The following SLIT3 variants were observed in gnomAD, a reference collection of about 807,000 sequenced individuals.
The protein encoded by SLIT3 is slit guidance ligand 3.
Under a neutral mutation model 184.0 loss-of-function variants are expected in SLIT3, and 68 were observed. The ratio of observed to expected loss-of-function variants is 0.37; its 90% CI spans 0.30 to 0.45. The LOEUF (loss-of-function observed/expected upper bound fraction) is 0.45, where lower values mean the gene tolerates loss of function less well. Among genes scored for constraint, SLIT3 ranks in the 20% least tolerant of loss-of-function variants. The pLI, the probability that SLIT3 is intolerant of heterozygous loss-of-function variation, is 1.00. For synonymous variants in SLIT3, 831 were observed against 828.6 expected, an observed-to-expected ratio of 1.00 and a Z score of -0.05; for missense variants, 1,707 against 2,026.0, an observed-to-expected ratio of 0.84 and a Z score of 3.02.
intron 4 of SLIT3, among the ~76,000 whole-genome samples, chr5:169,145,999 C>T (rs146530569): frequency 6.6e-6 from 1 of 152,192 alleles, no homozygotes; most frequent in East Asian, 1.9e-4. Flanking sequence ...TGCAGTGAGC[C>T]GAGATCGCAC....
chr5:169,263,385 G>A (rs544379664), intron 1 of SLIT3, among the ~76,000 whole-genome samples: 21 of 151,992 alleles, frequency 1.4e-4, no homozygotes, highest in African/African-American at 2.4e-4. Context: ...GTATAGTGCC[G>A]TGTGACAACA....
chr5:169,205,379 T>G (rs1298757035), intron 3 of SLIT3, among the ~76,000 whole-genome samples: 1 of 152,158 alleles, frequency 6.6e-6, no homozygotes, highest in Non-Finnish European at 1.5e-5. Context: ...GGAGAGAATA[T>G]TTGAATTTTA....
At chr5:168,877,651 C>T (rs747438136) in intron 5 of SLIT3, among the ~76,000 whole-genome samples, 5 of 152,166 alleles carry the variant, frequency 3.3e-5, no homozygotes, top group Non-Finnish European at 5.9e-5. Context: ...AGGGCAGACA[C>T]GGGCGGTGCG....
rs60722926 is a variant in SLIT3, at chr5:169,101,613, T to A, written c.413+91866A>T. Among the ~76,000 whole-genome samples the A allele has an allele frequency of 6.9e-3, 1,045 of 152,300 alleles. 13 individuals carry two copies. Among genetic ancestry groups the A allele is most frequent in the Middle Eastern group, 0.041 (12 of 294 alleles). On this transcript the variant is annotated intron_variant, in intron 4 of 35. Transcript: ENST00000519560. ...CAAAGCTGGAAAGAACTTCCACAAA[T>A]GGAAATATACTGAGCATTTCATTGC...
intron 1 of SLIT3, among the ~76,000 whole-genome samples, chr5:169,283,677 A>G (rs117512069): frequency 0.015 from 2,350 of 152,360 alleles, 35 homozygotes; most frequent in East Asian, 0.068. Context: ...TCACAGCCAC[A>G]TGATGATCCC....
chr5:169,004,261 C>T (rs867677471), intron 4 of SLIT3, among the ~76,000 whole-genome samples: 19 of 152,234 alleles, frequency 1.2e-4, no homozygotes, highest in African/African-American at 4.1e-4. Flanking sequence ...ATGGCTCCTT[C>T]GGGAGTCCCT....
intron 4 of SLIT3, among the ~76,000 whole-genome samples, chr5:168,900,324 G>T (rs895702062): frequency 6.6e-6 from 1 of 152,108 alleles, no homozygotes; most frequent in East Asian, 1.9e-4. Flanking sequence ...TATATAAAAA[G>T]ATACTTATGG....
At chr5:168,806,631 A>C in intron 8 of SLIT3, 44 bp from the exon 9 acceptor site, 1 of 1,610,108 alleles carries the variant, frequency 6.2e-7, no homozygotes. Flanking sequence ...CAGTGTCAGG[A>C]GCTGCCTGGG....
chr5:168,815,260 A>G (rs1757301332), intron 8 of SLIT3, among the ~76,000 whole-genome samples: 1 of 152,104 alleles, frequency 6.6e-6, no homozygotes, highest in Admixed American at 6.5e-5. Context: ...GATTTAATGG[A>G]CTTTGGAGGG....
intron 5 of SLIT3, among the ~76,000 whole-genome samples, chr5:168,876,219 C>T (rs1436226501): frequency 6.6e-6 from 1 of 152,154 alleles, no homozygotes; most frequent in South Asian, 2.1e-4. Flanking sequence ...ACTTTACTTG[C>T]TCGATTTAGG....
At chr5:169,095,906 A>G (rs556930993) in intron 4 of SLIT3, among the ~76,000 whole-genome samples, 15 of 152,334 alleles carry the variant, frequency 9.8e-5, no homozygotes, top group African/African-American at 3.6e-4. Flanking sequence ...TTAATTACAT[A>G]AGTACATGAA....
intron 4 of SLIT3, among the ~76,000 whole-genome samples, chr5:169,105,770 TG>T (rs1283790450): frequency 2.0e-5 from 3 of 152,232 alleles, no homozygotes; most frequent in African/African-American, 7.2e-5. Flanking sequence ...TCCATGTTCC[TG>T]CAAAGGACAT....
intron 9 of SLIT3, among the ~76,000 whole-genome samples, chr5:168,800,992 T>C (rs777873705): frequency 6.6e-6 from 1 of 152,200 alleles, no homozygotes; most frequent in Non-Finnish European, 1.5e-5. Flanking sequence ...ACGGGAGATT[T>C]CTAGGTAGGT....
At chr5:168,881,455 T>C (rs752251524) in intron 5 of SLIT3, among the ~76,000 whole-genome samples, 45 of 152,314 alleles carry the variant, frequency 3.0e-4, no homozygotes, top group Middle Eastern at 6.8e-3. Flanking sequence ...TATGTTCTTT[T>C]TGGTTAATGG....
chr5:169,090,703 C>A (rs1293334210), intron 4 of SLIT3, among the ~76,000 whole-genome samples: 1 of 152,152 alleles, frequency 6.6e-6, no homozygotes, highest in Non-Finnish European at 1.5e-5. Context: ...TAGACAGACA[C>A]ACAGAAGAAA....
At chr5:168,785,854 G>T in intron 12 of SLIT3, 53 bp downstream of exon 12, 1 of 1,306,068 alleles carries the variant, frequency 7.7e-7, no homozygotes, top group Non-Finnish European at 1.1e-6. Flanking sequence ...GTTTTCAGGT[G>T]GGAGCCTTCC....
At chr5:168,833,954 A>G (rs1757961167) in intron 6 of SLIT3, among the ~76,000 whole-genome samples, 1 of 152,126 alleles carries the variant, frequency 6.6e-6, no homozygotes, top group South Asian at 2.1e-4. Context: ...ATCATTTTCC[A>G]GATGTTAGAA....
chr5:168,942,630 C>T (rs555779839), intron 4 of SLIT3, among the ~76,000 whole-genome samples: 1 of 152,322 alleles, frequency 6.6e-6, no homozygotes, highest in African/African-American at 2.4e-5. Context: ...AACTATCCTA[C>T]GAATATATGT....
intron 4 of SLIT3, among the ~76,000 whole-genome samples, chr5:168,978,875 G>T (rs114419570): frequency 1.1e-3 from 164 of 147,060 alleles, no homozygotes; most frequent in African/African-American, 4.0e-3. Flanking sequence ...CCCTGGGAGG[G>T]TGCTGTCATC....
Sources: gnomAD v4.1 joint callset for allele counts (sites outside exome capture counted in the v4.1 genomes callset) on GRCh38, gnomAD v4.1.1 for gene constraint, MANE v1.5 for transcripts, NCBI Gene and HGNC (gene_info 2026-07-23, HGNC 2026-07-21) for gene names.